The following KCNN1 variants were observed in gnomAD, a reference collection of about 807,000 sequenced individuals.
KCNN1 encodes small conductance calcium-activated potassium channel protein 1.
KCNN1 carries 20 observed loss-of-function variants against 44.7 expected under a neutral mutation model. The ratio of observed to expected loss-of-function variants is 0.45; its 90% confidence interval spans 0.32 to 0.65. KCNN1 has a LOEUF of 0.65. Among genes scored for constraint, KCNN1 ranks in the 30% least tolerant of loss-of-function variants. KCNN1 has a pLI of 0.05. For synonymous variants in KCNN1, 324 were observed against 341.7 expected (o/e 0.95, Z 0.57); for missense variants, 632 against 785.3 (o/e 0.80, Z 2.33).
At chr19:17,978,967 G>A (rs2032302482) in intron 3 of KCNN1, among the ~76,000 whole-genome samples, 1 of 151,560 alleles carries the variant, frequency 6.6e-6, no homozygotes, top group Admixed American at 6.6e-5. Flanking sequence ...GGTTGAGGTG[G>A]GAGGATCACC....
At position 17,992,166 on chromosome 19, in the gene KCNN1, C is replaced by CA. The variant is rs1020192708; in HGVS notation, c.1299-881dup. Among the ~76,000 whole-genome samples, 22 of 151,426 alleles carry CA rather than the reference C, an allele frequency of 1.5e-4. No individual in the cohort carries two copies. The Middle Eastern group carries it at 0.01, about 71-fold the overall frequency. ...TGAAACCCCATCTCTACTAAAAATA[C>CA]AAAAAAATTAGCTGAGCGTGGTGGC... On this transcript the variant is annotated intron_variant, in intron 7 of 9. Coordinates refer to ENST00000684775, the MANE Select transcript of KCNN1 (RefSeq NM_001386974.1).
At chr19:17,988,566 G>A (rs943146638) in intron 6 of KCNN1, 41 bp downstream of exon 6, 2 of 1,440,918 alleles carry the variant, frequency 1.4e-6, no homozygotes, top group Non-Finnish European at 9.7e-7. Context: ...TCCTGGCCTT[G>A]TCAGCGAGCG....
At chr19:17,960,932 C>T (rs765380162) in intron 2 of KCNN1, among the ~76,000 whole-genome samples, 5 of 152,034 alleles carry the variant, frequency 3.3e-5, no homozygotes, top group Non-Finnish European at 7.4e-5. Context: ...TACCATGAGC[C>T]CCTCTTCATT....
chr19:17,985,565 C>G, intron 5 of KCNN1, 112 bp downstream of exon 5: 2 of 959,464 alleles, frequency 2.1e-6, no homozygotes, highest in Non-Finnish European at 3.0e-6. Flanking sequence ...CGAGCTGTGC[C>G]TGATCAGCGT....
chr19:17,959,252 T>G (rs2031622010), intron 2 of KCNN1, among the ~76,000 whole-genome samples: 9 of 150,440 alleles, frequency 6.0e-5, no homozygotes. Context: ...TCTTGTTTTT[T>G]GTTTTGTTTT....
At chr19:17,982,479 A>G in intron 4 of KCNN1, 1 of 883,952 alleles carries the variant, frequency 1.1e-6, no homozygotes, top group Non-Finnish European at 1.4e-6. Context: ...GGCAGCAGGC[A>G]CAGGGATGCC....
chr19:17,989,103 C>T (rs2032700733), intron 6 of KCNN1, among the ~76,000 whole-genome samples: 1 of 152,114 alleles, frequency 6.6e-6, no homozygotes, highest in Non-Finnish European at 1.5e-5. Context: ...CTGCTCTGTA[C>T]CTCAGCTTCC....
Position 17,998,154 on chromosome 19 carries a change from C to T in KCNN1, c.1380C>T (p.Thr460=). 1 of 1,590,344 alleles carries T rather than the reference C, an allele frequency of 6.3e-7. No homozygotes were observed. The highest frequency in any genetic ancestry group is 8.6e-7 in the Non-Finnish European group (1 of 1,168,284). Residue 460 remains threonine, a splice_region_variant and synonymous_variant, in exon 10 of 10, where the codon ACC becomes ACT. Coordinates refer to ENST00000684775, the MANE Select transcript of KCNN1 (RefSeq NM_001386974.1). The surrounding 1 kb of genome is among the most constrained non-coding windows in gnomAD (Gnocchi z 5.4). ...QANTLTDLAK[T]QTVMYDLVSE... ...CTGCCCCTCTCTGTCTCCCGCAGAC[C>T]CAGACCGTCATGTACGACCTTGTAT...
chr19:17,959,317 G>A (rs1004924618), intron 2 of KCNN1, among the ~76,000 whole-genome samples: 3 of 151,848 alleles, frequency 2.0e-5, no homozygotes, highest in Non-Finnish European at 4.4e-5. Flanking sequence ...GGAATGCAAT[G>A]GTGCGTTCTC....
chr19:17,973,912 C>T lies in KCNN1; in HGVS notation c.24C>T (p.Gly8=). 1 of 1,554,152 alleles carries T rather than the reference C, an allele frequency of 6.4e-7. No homozygotes were observed. The highest frequency in any genetic ancestry group is 8.7e-7 in the Non-Finnish European group (1 of 1,151,092). Residue 8 remains glycine (G), a synonymous_variant, in exon 2 of 10, where the codon GGC becomes GGT. Coordinates refer to ENST00000684775, the MANE Select transcript of KCNN1 (RefSeq NM_001386974.1). Reference sequence around the variant, plus strand: ...TCATGAACAGCCACAGCTACAATGGCAGCGTGGGGCGGCCGCTGGGCAGCG... The same window carrying T: ...TCATGAACAGCCACAGCTACAATGGTAGCGTGGGGCGGCCGCTGGGCAGCG... MNSHSYN[G]SVGRPLGSGP...
intron 1 of KCNN1, among the ~76,000 whole-genome samples, chr19:17,952,700 C>T (rs190535076): frequency 6.6e-6 from 1 of 152,304 alleles, no homozygotes; most frequent in East Asian, 1.9e-4. Flanking sequence ...TCTCTGTCCC[C>T]TCAGGTTTCT....
chr19:17,957,163 GGA>G (rs1220379807), intron 2 of KCNN1, among the ~76,000 whole-genome samples: 1 of 129,434 alleles, frequency 7.7e-6, no homozygotes, highest in African/African-American at 2.9e-5. Context: ...GAGAAAAAAA[GGA>G]GAGGAGAGGG....
In KCNN1 at chr19:17,973,998, C is replaced by T. The variant is rs376519329; in HGVS notation, c.110C>T (p.Pro37Leu). The T allele has an allele frequency of 7.9e-5, 125 of 1,588,234 alleles. 1 individual carries two copies. In the African/African-American group the frequency reaches 1.3e-3, roughly 16 times the overall value. The change falls in exon 2 of 10, where the codon CCG becomes CTG. Residue 37 changes from proline to leucine, a missense_variant. Around this residue, in one of 3 missense-constraint regions of KCNN1, gnomAD observed 235 missense variants for 224.0 expected, o/e 1.05. Coordinates refer to ENST00000684775, the MANE Select transcript of KCNN1 (RefSeq NM_001386974.1). ...DPEAGHPPQP[P>L]HSPGLQVVVA... ...GAGGCCGGCCACCCCCCACAACCCC[C>T]GCACAGCCCGGGCCTCCAGGTGGTA...
At position 17,989,796 on chromosome 19, in the gene KCNN1, A is replaced by G. The variant is rs367889796; in HGVS notation, c.1251A>G (p.Gln417=). Residue 417 remains glutamine (Q), a synonymous_variant, in exon 7 of 10, where the codon CAA becomes CAG. Coordinates refer to ENST00000684775, the MANE Select transcript of KCNN1 (RefSeq NM_001386974.1). The part of the protein sequence containing the change: ...KHTRLVKKPD[Q]ARVRKHQRKF... The stretch of plus-strand genomic sequence containing the variant: ...CCAGGCTGGTGAAGAAGCCAGACCA[A>G]GCCCGGGTTCGGAAACACCAGCGTA... 34 of 1,613,866 alleles carry G rather than the reference A, an allele frequency of 2.1e-5. No homozygotes were observed. Among genetic ancestry groups the G allele is most frequent in the Non-Finnish European group, 2.1e-5 (25 of 1,179,888 alleles).
intron 9 of KCNN1, among the ~76,000 whole-genome samples, chr19:17,996,166 CAAAAAAA>C (rs757072562): frequency 4.3e-5 from 4 of 92,124 alleles, no homozygotes; most frequent in African/African-American, 4.5e-5. Flanking sequence ...TCCATTGCTA[CAAAAAAA>C]AAAAAAAAAA....
upstream of KCNN1, among the ~76,000 whole-genome samples, chr19:17,964,244 G>C (rs1359098009): frequency 2.0e-5 from 3 of 152,232 alleles, no homozygotes; most frequent in Admixed American, 6.5e-5. This position sits in a 1 kb window ranked among gnomAD's most constrained non-coding sequence, Gnocchi z 4.3. Flanking sequence ...GTCCGGGCTG[G>C]GTCCAAGATT....
At chr19:17,958,289 T>A (rs1427007542) in intron 2 of KCNN1, among the ~76,000 whole-genome samples, 1 of 151,832 alleles carries the variant, frequency 6.6e-6, no homozygotes, top group Non-Finnish European at 1.5e-5. Context: ...AAGAACAGCC[T>A]CAGCAACATG....
intron 3 of KCNN1, among the ~76,000 whole-genome samples, chr19:17,976,564 A>G (rs975336861): frequency 3.3e-5 from 5 of 151,146 alleles, no homozygotes; most frequent in Admixed American, 1.3e-4. Context: ...GATTACAGGC[A>G]TGTGCCACCA....
At chr19:17,955,385 AC>A (rs2031517307) in intron 2 of KCNN1, among the ~76,000 whole-genome samples, 1 of 151,468 alleles carries the variant, frequency 6.6e-6, no homozygotes, top group Non-Finnish European at 1.5e-5. Context: ...ACAGGGTGAA[AC>A]CCCCATCTCT....
Sources: gnomAD v4.1 joint callset for allele counts (sites outside exome capture counted in the v4.1 genomes callset) on GRCh38, gnomAD v4.1.1 for gene constraint, gnomAD v4.1.1 regional missense constraint, Gnocchi (gnomAD v3.1) non-coding constraint, MANE v1.5 for transcripts, NCBI Gene and HGNC (gene_info 2026-07-23, HGNC 2026-07-21) for gene names.